Variants in PAIP2B observed in about 807,000 individuals in gnomAD.
The protein encoded by PAIP2B is poly(A) binding protein interacting protein 2B.
A neutral mutation model predicts 17.0 loss-of-function variants in PAIP2B; 13 were observed. The ratio of observed to expected loss-of-function variants is 0.76; its 90% CI spans 0.50 to 1.22. The LOEUF (loss-of-function observed/expected upper bound fraction) is 1.22, where lower values mean the gene tolerates loss of function less well. Ranked by LOEUF, PAIP2B falls within the 50% of genes most tolerant of loss-of-function variation. The pLI, the probability that PAIP2B is intolerant of heterozygous loss-of-function variation, is 0.00. For missense variants in PAIP2B, 117 were observed against 144.5 expected, an observed-to-expected ratio of 0.81 and a Z score of 0.98; for synonymous variants, 43 against 48.7, an observed-to-expected ratio of 0.88 and a Z score of 0.48.
At chr2:71,214,713 G>A (rs1472703853) in intron 1 of PAIP2B, among the ~76,000 whole-genome samples, 4 of 152,038 alleles carry the variant, frequency 2.6e-5, no homozygotes, top group Admixed American at 6.6e-5. Flanking sequence ...TTAATGTATC[G>A]GGTGACTAAG....
At chr2:71,224,728 ACT>A (rs1185481874) in intron 1 of PAIP2B, among the ~76,000 whole-genome samples, 1 of 152,048 alleles carries the variant, frequency 6.6e-6, no homozygotes, top group Non-Finnish European at 1.5e-5. Flanking sequence ...GCAGAACCTC[ACT>A]CTCTGCATTT....
intron 3 of PAIP2B, among the ~76,000 whole-genome samples, chr2:71,189,052 C>T (rs1329175451): frequency 2.8e-5 from 4 of 141,236 alleles, no homozygotes; most frequent in African/African-American, 1.1e-4. Context: ...GTTGCCCAGG[C>T]TGGAGTGCAG....
chr2:71,219,082 ATTTTTTTT>A (rs568552077), intron 1 of PAIP2B, among the ~76,000 whole-genome samples: 19 of 113,966 alleles, frequency 1.7e-4, no homozygotes, highest in African/African-American at 5.4e-4. Context: ...CGCCTAGCTA[ATTTTTTTT>A]TTTTTTTTTT....
At chr2:71,192,343 C>T (rs1674707741) in intron 2 of PAIP2B, among the ~76,000 whole-genome samples, 2 of 151,334 alleles carry the variant, frequency 1.3e-5, no homozygotes, top group Admixed American at 1.3e-4. Context: ...TTATCAACAG[C>T]ATGTGCTCAA....
At chr2:71,224,783 C>T (rs1675678709) in intron 1 of PAIP2B, among the ~76,000 whole-genome samples, 1 of 152,144 alleles carries the variant, frequency 6.6e-6, no homozygotes, top group Non-Finnish European at 1.5e-5. Flanking sequence ...ACTGTGAGCT[C>T]CTCAAGGTCT....
rs560003755 is a variant in PAIP2B, at chr2:71,194,216, C to CAAA, written c.139-4196_139-4195insTTT. ...GGCTATTCGTGCACTTTTTAGGTTC[C>CAAA]ATATAAATTTTGAAATATTTTTTTC... On this transcript the variant is annotated intron_variant, in intron 2 of 3. Coordinates refer to ENST00000244221, the MANE Select transcript of PAIP2B (RefSeq NM_020459.1). 1.8e-4 allele frequency among the ~76,000 whole-genome samples: 27 copies of CAAA among 151,702 alleles called. No individual in the cohort carries two copies. In the South Asian group the frequency reaches 5.7e-3, roughly 32 times the overall value.
At chr2:71,198,321 T>C (rs1339778374) in intron 2 of PAIP2B, among the ~76,000 whole-genome samples, 24 of 150,196 alleles carry the variant, frequency 1.6e-4, no homozygotes, top group Non-Finnish European at 2.4e-4. Flanking sequence ...AGTCTCGCTC[T>C]GTCGCCCAGG....
At chr2:71,189,128 G>A (rs1224550547) in intron 3 of PAIP2B, among the ~76,000 whole-genome samples, 1 of 150,040 alleles carries the variant, frequency 6.7e-6, no homozygotes, top group East Asian at 2.0e-4. Flanking sequence ...CAATTCTCCT[G>A]CTTTAGCCTT....
chr2:71,213,847 A>T (rs150382369), intron 1 of PAIP2B, among the ~76,000 whole-genome samples: 1 of 152,288 alleles, frequency 6.6e-6, no homozygotes, highest in East Asian at 1.9e-4. Context: ...CAACTATCGT[A>T]ATCTATCCAA....
intron 1 of PAIP2B, among the ~76,000 whole-genome samples, chr2:71,217,290 C>T (rs770730902): frequency 6.6e-6 from 1 of 152,112 alleles, no homozygotes; most frequent in African/African-American, 2.4e-5. Context: ...TCCACCACCA[C>T]GGCCCAGCTA....
At chr2:71,190,453 AG>A (rs1674660619) in intron 2 of PAIP2B, among the ~76,000 whole-genome samples, 1 of 152,166 alleles carries the variant, frequency 6.6e-6, no homozygotes, top group Admixed American at 6.5e-5. Flanking sequence ...TTTAAAAAAA[AG>A]ATTTTATGAT....
intron 3 of PAIP2B, among the ~76,000 whole-genome samples, chr2:71,189,548 T>C (rs1199263308): frequency 6.6e-6 from 1 of 152,218 alleles, no homozygotes; most frequent in African/African-American, 2.4e-5. Context: ...TTCAAATTGT[T>C]ATCCTTAATC....
In PAIP2B at chr2:71,193,559, T is replaced by G. The variant is rs373493175; in HGVS notation, c.139-3538A>C. On this transcript the variant is annotated intron_variant, in intron 2 of 3. Coordinates refer to ENST00000244221, the MANE Select transcript of PAIP2B (RefSeq NM_020459.1). The stretch of plus-strand genomic sequence containing the variant: ...CCTAGGTTGTCTTCCAGGGTTTTTA[T>G]AGTTTTGGGTTTTAGCCAGGTGCAG... Among the ~76,000 whole-genome samples, 3 of 152,162 alleles carry G rather than the reference T, an allele frequency of 2.0e-5. No homozygotes were observed. The East Asian group carries it at 5.8e-4, about 29-fold the overall frequency.
At chr2:71,225,207 C>T (rs1675688318) in intron 1 of PAIP2B, among the ~76,000 whole-genome samples, 1 of 152,130 alleles carries the variant, frequency 6.6e-6, no homozygotes, top group Non-Finnish European at 1.5e-5. Context: ...GATTTATTAA[C>T]AAGGCTTAAA....
chr2:71,198,467 A>C (rs1291317390), intron 2 of PAIP2B, among the ~76,000 whole-genome samples: 1 of 150,624 alleles, frequency 6.6e-6, no homozygotes, highest in Non-Finnish European at 1.5e-5. Flanking sequence ...TTGTATTTTT[A>C]GTAGAGACGG....
At chr2:71,208,800 A>G (rs1675213318) in intron 1 of PAIP2B, among the ~76,000 whole-genome samples, 1 of 152,318 alleles carries the variant, frequency 6.6e-6, no homozygotes, top group African/African-American at 2.4e-5. Context: ...CAATGTGACC[A>G]TGGAGGCAGA....
intron 1 of PAIP2B, among the ~76,000 whole-genome samples, chr2:71,202,806 TAAAAG>T (rs937192336): frequency 3.3e-5 from 5 of 152,260 alleles, no homozygotes; most frequent in Admixed American, 6.5e-5. Flanking sequence ...ATTTAAGAGT[TAAAAG>T]AAAAGATGTC....
chr2:71,191,588 A>C, intron 2 of PAIP2B, among the ~76,000 whole-genome samples: 1 of 152,234 alleles, frequency 6.6e-6, no homozygotes, highest in East Asian at 1.9e-4. Flanking sequence ...CAGGCTGTTC[A>C]GTTAAAATCA....
At position 71,209,949 on chromosome 2, in the gene PAIP2B, T is replaced by G. The variant is rs1675251256; in HGVS notation, c.-11-7349A>C. ...AAGCGATTCTCCTGCCTCAGCCTCC[T>G]GAGTAGCTGGGACTACAGGTACGTG... On this transcript the variant is annotated intron_variant, in intron 1 of 3. Transcript: ENST00000244221. 5.9e-5 allele frequency among the ~76,000 whole-genome samples: 9 copies of G among 151,980 alleles called. No individual in the cohort carries two copies. The South Asian group carries it at 1.9e-3, about 32-fold the overall frequency.
Sources: allele counts gnomAD v4.1 joint callset (sites outside exome capture counted in the v4.1 genomes callset), GRCh38; gene constraint gnomAD v4.1.1; transcripts MANE v1.5; gene names NCBI Gene and HGNC (gene_info 2026-07-23, HGNC 2026-07-21).